Variants in MUC15 observed in about 807,000 individuals in gnomAD.
MUC15 encodes mucin-15.
MUC15 carries 23 observed loss-of-function variants against 24.0 expected under a neutral mutation model. The observed-to-expected ratio is 0.96, with a 90% CI of 0.69 to 1.36. The LOEUF (loss-of-function observed/expected upper bound fraction) is 1.36. Ranked by LOEUF, MUC15 falls within the 40% of genes most tolerant of loss-of-function variation. The pLI is 0.00. For synonymous variants in MUC15, 151 were observed against 156.3 expected, an observed-to-expected ratio of 0.97 and a Z score of 0.25; for missense variants, 442 against 428.2, an observed-to-expected ratio of 1.03 and a Z score of -0.29.
In MUC15 at chr11:26,565,253, G is replaced by T. The variant is rs781053267; in HGVS notation, c.687C>A (p.Thr229=). ...TTNSDSFTGF[T]PYQEKTTLQP... ...GTAGAGTTGTTTTTTCTTGATAAGGGGTAAACCCAGTGAAGCTATCACTGT... is the reference window on the plus strand; with the variant it reads ...GTAGAGTTGTTTTTTCTTGATAAGGTGTAAACCCAGTGAAGCTATCACTGT... The change falls in exon 3 of 5, where the codon ACC becomes ACA. Residue 229 remains threonine (T), a synonymous_variant. Coordinates refer to ENST00000529533, the MANE Select transcript of MUC15 (RefSeq NM_001135091.2). 19 of 1,585,792 alleles carry T rather than the reference G, an allele frequency of 1.2e-5. No homozygotes were observed. The East Asian group carries it at 4.3e-4, about 36-fold the overall frequency.
In MUC15 at chr11:26,565,378, G is replaced by A; in HGVS notation, c.562C>T (p.Pro188Ser). 1 of 1,613,194 alleles carries A rather than the reference G, an allele frequency of 6.2e-7. No individual in the cohort carries two copies. Among genetic ancestry groups the A allele is most frequent in the Non-Finnish European group, 8.5e-7 (1 of 1,179,468 alleles). Residue 188 changes from proline (P) to serine (S), a missense_variant, in exon 3 of 5, where the codon CCT (proline) becomes TCT (serine). Physicochemically the swap from Pro to Ser is moderately conservative, Grantham distance 74 (BLOSUM62 -1). Coordinates refer to ENST00000529533, the MANE Select transcript of MUC15 (RefSeq NM_001135091.2). ...WSLVNDTVKTPDNSSITVSIL... is the reference protein window; with the variant it reads ...WSLVNDTVKTSDNSSITVSIL... Reference sequence around the variant, plus strand: ...CTAACTGTAATGGAACTGTTATCAGGAGTTTTCACGGTGTCATTGACCAAA... The same window carrying A: ...CTAACTGTAATGGAACTGTTATCAGAAGTTTTCACGGTGTCATTGACCAAA...
chr11:26,564,718 CACACACACACACACATATATATATAT>C (rs1565108598), intron 3 of MUC15, among the ~76,000 whole-genome samples: 7 of 74,924 alleles, frequency 9.3e-5, no homozygotes, highest in Non-Finnish European at 1.8e-4. Context: ...CACACACACA[CACACACACACACACATATATATATAT>C]ATATATATAT....
chr11:26,561,484 A>G (rs889499693), intron 4 of MUC15, among the ~76,000 whole-genome samples: 1 of 152,030 alleles, frequency 6.6e-6, no homozygotes, highest in African/African-American at 2.4e-5. Context: ...AGAGACCAGT[A>G]TAGTATATCA....
Position 26,565,996 on chromosome 11 carries a change from TAG to T in MUC15, c.44-102_44-101del, listed in dbSNP as rs1850565925. 2.6e-6 allele frequency: 3 copies of T among 1,166,974 alleles called. No homozygotes were observed. The African/African-American group carries it at 4.7e-5, about 18-fold the overall frequency. The allele number at this position is 1,166,974 out of a possible 1,614,324, so 72.3% of individuals were successfully genotyped here. A position where few individuals can be genotyped will look rare whatever the true frequency, so the allele number is the denominator to read the frequency against. On this transcript the variant is annotated intron_variant, in intron 2 of 4. Coordinates refer to ENST00000529533, the MANE Select transcript of MUC15 (RefSeq NM_001135091.2). The stretch of plus-strand genomic sequence containing the variant: ...AAGTGATAAAAATCTAGACATAATA[TAG>T]AGATGGTAATATCATATTTTTATTC...
chr11:26,571,490 TACA>T (rs1306086784), intron 1 of MUC15, among the ~76,000 whole-genome samples: 2 of 152,142 alleles, frequency 1.3e-5, no homozygotes, highest in Non-Finnish European at 2.9e-5. Context: ...ATATGTACTG[TACA>T]ACAGTTTCCC....
intron 1 of MUC15, among the ~76,000 whole-genome samples, chr11:26,570,975 GA>G (rs1481065098): frequency 6.6e-6 from 1 of 151,618 alleles, no homozygotes; most frequent in Non-Finnish European, 1.5e-5. Flanking sequence ...GATGTAAAAA[GA>G]AAGAAAAAAT....
chr11:26,562,053 G>C (rs547284628), intron 4 of MUC15, among the ~76,000 whole-genome samples: 1 of 151,880 alleles, frequency 6.6e-6, no homozygotes, highest in Admixed American at 6.6e-5. Flanking sequence ...GTTGTGGATT[G>C]AGTTATTCTT....
At chr11:26,566,351 A>G (rs1390971317) in intron 2 of MUC15, among the ~76,000 whole-genome samples, 1 of 152,042 alleles carries the variant, frequency 6.6e-6, no homozygotes, top group Non-Finnish European at 1.5e-5. Flanking sequence ...GTCATTTGAA[A>G]TATTTATTAT....
intron 1 of MUC15, among the ~76,000 whole-genome samples, chr11:26,567,913 CATGTAT>C (rs1448028911): frequency 6.6e-6 from 1 of 151,888 alleles, no homozygotes; most frequent in East Asian, 1.9e-4. Context: ...TGTGTGATTT[CATGTAT>C]ATAAAGTTCA....
In MUC15 at chr11:26,565,603, C is replaced by T; in HGVS notation, c.337G>A (p.Asp113Asn). Residue 113 changes from aspartate (D) to asparagine (N), a missense_variant, in exon 3 of 5, where the codon GAT (aspartate) becomes AAT (asparagine). Transcript: ENST00000529533. ...TCTGCTGATGAGTTACTGGAGAAAT[C>T]TGTTATTCCGTGGCTGTTGTTGGGT... Reference protein sequence around the residue: ...NLPNNSHGITDFSSNSSAEHS... With the variant: ...NLPNNSHGITNFSSNSSAEHS... 1.2e-6 allele frequency: 2 copies of T among 1,613,268 alleles called. No homozygotes were observed. The highest frequency in any genetic ancestry group is 1.1e-5 in the South Asian group (1 of 91,068).
Position 26,565,723 on chromosome 11 carries a change from G to A in MUC15, c.217C>T (p.Pro73Ser), listed in dbSNP as rs1212560682. The change falls in exon 3 of 5, where the codon CCT becomes TCT. Residue 73 changes from proline to serine, a missense_variant. Pro to Ser is a moderately conservative substitution (Grantham distance 74). Coordinates refer to ENST00000529533, the MANE Select transcript of MUC15 (RefSeq NM_001135091.2). ...TTTGCTTCACTTTCCAAAGAAATAG[G>A]TTTATTTTCCATTGTTTTAAAAACT... ...AEVFKTMENKPISLESEANLN... is the reference protein window; with the variant it reads ...AEVFKTMENKSISLESEANLN... 1.9e-6 allele frequency: 3 copies of A among 1,605,790 alleles called. No individual in the cohort carries two copies. The highest frequency in any genetic ancestry group is 2.6e-6 in the Non-Finnish European group (3 of 1,174,010).
In MUC15 at chr11:26,571,013, A is replaced by T. The variant is rs1850802536; in HGVS notation, c.-46+1028T>A. On this transcript the variant is annotated intron_variant, in intron 1 of 4. Coordinates refer to ENST00000529533, the MANE Select transcript of MUC15 (RefSeq NM_001135091.2). ...AAAAAGAAAAGACTGGCTTTCTTTC[A>T]AGAAAAAAACAAATTTCAGAAGTTT... Among the ~76,000 whole-genome samples, 2 of 152,122 alleles carry T rather than the reference A, an allele frequency of 1.3e-5. 1 individual carries two copies. The highest frequency in any genetic ancestry group is 4.1e-4 in the South Asian group (2 of 4,832).
chr11:26,570,430 G>A (rs2063278), intron 1 of MUC15, among the ~76,000 whole-genome samples: 90,373 of 151,854 alleles, frequency 0.6, 27,634 homozygotes, highest in South Asian at 0.69. Flanking sequence ...TGTTGAAATC[G>A]TGGGTCATAC....
Position 26,559,293 on chromosome 11 carries a change from C to A in MUC15, c.*1772G>T. 6.2e-6 allele frequency: 1 copy of A among 160,764 alleles called. No individual in the cohort carries two copies. The highest frequency in any genetic ancestry group is 1.4e-5 in the Non-Finnish European group (1 of 73,256). The allele number at this position is 160,764 out of a possible 1,614,324, so 10.0% of individuals were successfully genotyped here. A position where few individuals can be genotyped will look rare whatever the true frequency, so the allele number is the denominator to read the frequency against. On this transcript the variant is annotated 3_prime_UTR_variant, in exon 5 of 5. Transcript: ENST00000529533. ...GTTAGCTATGGGAAATGCTGGCTCA[C>A]TGGAAGAATCCTGCATTTTCCAACT...
chr11:26,562,109 A>G (rs1850317703), intron 4 of MUC15, among the ~76,000 whole-genome samples: 1 of 151,956 alleles, frequency 6.6e-6, no homozygotes, highest in Non-Finnish European at 1.5e-5. Context: ...TTTTTGATAG[A>G]TTGAGTTTTT....
intron 3 of MUC15, among the ~76,000 whole-genome samples, chr11:26,563,746 A>G (rs957180042): frequency 6.6e-6 from 1 of 151,906 alleles, no homozygotes; most frequent in African/African-American, 2.4e-5. Flanking sequence ...ACTACAAGGA[A>G]AAATCAGTGT....
chr11:26,564,998 T>C (rs567249833), intron 3 of MUC15, among the ~76,000 whole-genome samples, 167 bp downstream of exon 3: 36 of 151,260 alleles, frequency 2.4e-4, no homozygotes, highest in Middle Eastern at 6.8e-3. Flanking sequence ...CTAAAACCAC[T>C]TCACTATTTC....
Position 26,564,700 on chromosome 11 carries a change from C to T in MUC15, c.775+465G>A, listed in dbSNP as rs936680112. 8.6e-3 allele frequency among the ~76,000 whole-genome samples: 422 copies of T among 49,228 alleles called. 25 individuals are homozygous for T. The highest frequency in any genetic ancestry group is 0.014 in the African/African-American group (191 of 13,240). 32.3% of individuals were successfully genotyped at this position (49,228 alleles called of 152,430 possible). ...ATATATACTCATATATATACACACA[C>T]ACACACACACACACACACACACACA... On this transcript the variant is annotated intron_variant, in intron 3 of 4. Coordinates refer to ENST00000529533, the MANE Select transcript of MUC15 (RefSeq NM_001135091.2).
chr11:26,571,751 C>T (rs1467029675), intron 1 of MUC15, among the ~76,000 whole-genome samples: 5 of 152,046 alleles, frequency 3.3e-5, no homozygotes, highest in Non-Finnish European at 5.9e-5. Flanking sequence ...TTCATAGTCA[C>T]GTATGTTTTA....
Sources: gnomAD v4.1 joint callset for allele counts (sites outside exome capture counted in the v4.1 genomes callset) on GRCh38, gnomAD v4.1.1 for gene constraint, MANE v1.5 for transcripts, NCBI Gene and HGNC (gene_info 2026-07-23, HGNC 2026-07-21) for gene names.